CGNL1: variants seen among roughly 807,000 people sequenced by gnomAD.
The protein encoded by CGNL1 is cingulin-like protein 1.
CGNL1 carries 132 observed loss-of-function variants against 141.2 expected under a neutral mutation model. That is an observed-to-expected ratio of 0.93 (90% CI 0.81 to 1.08). The LOEUF (loss-of-function observed/expected upper bound fraction) is 1.08, where lower values mean the gene tolerates loss of function less well. Ranked by LOEUF, CGNL1 falls within the 50% of genes least tolerant of loss-of-function variation. CGNL1 has a pLI of 0.00. For missense variants in CGNL1, 1,870 were observed against 1,588.6 expected, an observed-to-expected ratio of 1.18 and a Z score of -3.01; for synonymous variants, 690 against 622.1, an observed-to-expected ratio of 1.11 and a Z score of -1.63.
At chr15:57,457,325 C>T (rs1016557870) in intron 7 of CGNL1, among the ~76,000 whole-genome samples, 11 of 152,192 alleles carry the variant, frequency 7.2e-5, no homozygotes, top group Non-Finnish European at 1.3e-4. Flanking sequence ...TGCGCATGGT[C>T]GTGGGGTGGC....
At chr15:57,547,049 G>T (rs187134140) in intron 18 of CGNL1, among the ~76,000 whole-genome samples, 38 of 152,284 alleles carry the variant, frequency 2.5e-4, no homozygotes, top group African/African-American at 9.1e-4. Flanking sequence ...GCAATCCATG[G>T]TGAACAAGAT....
At position 57,438,546 on chromosome 15, in the gene CGNL1, A is replaced by T; in HGVS notation, c.547A>T (p.Ile183Phe). ...NWLKTLTEEG[I>F]NNKKPWTCFP... ...GCTAAAAACGTTGACAGAAGAAGGC[A>T]TCAACAATAAGAAGCCTTGGACTTG... The change falls in exon 2 of 19, where the codon ATC becomes TTC. Residue 183 changes from isoleucine (I) to phenylalanine (F), a missense_variant. Coordinates refer to ENST00000281282, the MANE Select transcript of CGNL1 (RefSeq NM_032866.5). 1 of 1,613,940 alleles carries T rather than the reference A, an allele frequency of 6.2e-7. No individual in the cohort carries two copies. Among genetic ancestry groups the T allele is most frequent in the Non-Finnish European group, 8.5e-7 (1 of 1,180,022 alleles).
chr15:57,441,668 C>T (rs1030422899), intron 3 of CGNL1, among the ~76,000 whole-genome samples: 4 of 152,138 alleles, frequency 2.6e-5, no homozygotes, highest in Admixed American at 2.6e-4. Flanking sequence ...CGCACCTGGC[C>T]AAAATTCATT....
Position 57,456,893 on chromosome 15 carries a change from A to C in CGNL1, c.2190+3075A>C, listed in dbSNP as rs1777104093. Among the ~76,000 whole-genome samples, 3 of 152,348 alleles carry C rather than the reference A, an allele frequency of 2.0e-5. No homozygotes were observed. The South Asian group carries it at 6.2e-4, about 32-fold the overall frequency. ...AAGATACAGGTACTTCAGTCTCATT[A>C]AAATAGTCTGGTTATAAAATTGTAG... On this transcript the variant is annotated intron_variant, in intron 7 of 18. Coordinates refer to ENST00000281282, the MANE Select transcript of CGNL1 (RefSeq NM_032866.5).
At position 57,528,818 on chromosome 15, in the gene CGNL1, C is replaced by T; in HGVS notation, c.3201+3C>T. ...GCAGGCTGGTCAAGCAGATGGAGGT[C>T]TGTGGGCCGTACAGTGTGAGCTGGG... On this transcript the variant is annotated splice_donor_region_variant and intron_variant, in intron 13 of 18. Transcript: ENST00000281282. The T allele has an allele frequency of 6.2e-7, 1 of 1,613,284 alleles. No individual in the cohort carries two copies.
intron 10 of CGNL1, among the ~76,000 whole-genome samples, chr15:57,521,257 G>A (rs1170945698): frequency 6.6e-6 from 1 of 152,136 alleles, no homozygotes; most frequent in East Asian, 1.9e-4. Flanking sequence ...GAGGAAGACC[G>A]TTGTTCTAAA....
intron 1 of CGNL1, among the ~76,000 whole-genome samples, chr15:57,414,661 A>AAACAGCAACAAC (rs2062828492): frequency 1.3e-5 from 2 of 151,240 alleles, no homozygotes; most frequent in Non-Finnish European, 2.9e-5. Flanking sequence ...TTTAAAACCA[A>AAACAGCAACAAC]AACAACAACA....
At chr15:57,399,165 T>C (rs1192286049) in intron 1 of CGNL1, among the ~76,000 whole-genome samples, 1 of 152,200 alleles carries the variant, frequency 6.6e-6, no homozygotes, top group Admixed American at 6.5e-5. Context: ...ATTAGTATAT[T>C]CATCACCTCA....
intron 1 of CGNL1, among the ~76,000 whole-genome samples, chr15:57,391,452 G>C (rs1220319891): frequency 6.6e-6 from 1 of 152,156 alleles, no homozygotes; most frequent in African/African-American, 2.4e-5. Context: ...GGAATAGATG[G>C]GGACCAAAAC....
chr15:57,424,282 TC>T (rs1441239070), intron 1 of CGNL1, among the ~76,000 whole-genome samples: 2 of 152,160 alleles, frequency 1.3e-5, no homozygotes, highest in African/African-American at 4.8e-5. Flanking sequence ...AAGCAAATAT[TC>T]CCTTCCCAGC....
At chr15:57,525,565 C>G (rs867539225) in intron 12 of CGNL1, among the ~76,000 whole-genome samples, 11 of 152,244 alleles carry the variant, frequency 7.2e-5, no homozygotes, top group South Asian at 6.2e-4. Flanking sequence ...GTCTGTACAT[C>G]CCGGACACTT....
chr15:57,523,047 A>G (rs2031373174), intron 10 of CGNL1, among the ~76,000 whole-genome samples: 1 of 152,196 alleles, frequency 6.6e-6, no homozygotes, highest in Non-Finnish European at 1.5e-5. Flanking sequence ...TTCTAACTGT[A>G]AGAACCATCT....
At chr15:57,481,788 A>G (rs112527971) in intron 8 of CGNL1, among the ~76,000 whole-genome samples, 2 of 152,276 alleles carry the variant, frequency 1.3e-5, no homozygotes, top group East Asian at 1.9e-4. Context: ...TAGGAGTGCA[A>G]TTGCTAGGAT....
chr15:57,525,226 G>A (rs2031539915), intron 12 of CGNL1, among the ~76,000 whole-genome samples: 1 of 152,176 alleles, frequency 6.6e-6, no homozygotes, highest in Admixed American at 6.5e-5. Context: ...GAAATCCTCA[G>A]GAATTTATGA....
chr15:57,522,805 GTATT>G lies in CGNL1; in HGVS notation c.2716-682_2716-679del, dbSNP rs147164720. On this transcript the variant is annotated intron_variant, in intron 10 of 18. Transcript: ENST00000281282. The stretch of plus-strand genomic sequence containing the variant: ...TAGTTGTATTTTATGGTAGGCACTA[GTATT>G]TGGTGCTGATTCAATCAACAACCAC... Among the ~76,000 whole-genome samples the G allele has an allele frequency of 2.9e-3, 443 of 152,294 alleles. 4 individuals are homozygous for G. The highest frequency in any genetic ancestry group is 0.02 in the East Asian group (104 of 5,192).
At chr15:57,445,552 A>G (rs1186484324) in intron 4 of CGNL1, among the ~76,000 whole-genome samples, 1 of 152,224 alleles carries the variant, frequency 6.6e-6, no homozygotes, top group Non-Finnish European at 1.5e-5. Flanking sequence ...ATGGGAAAGA[A>G]CAATGTATAA....
intron 2 of CGNL1, 42 bp from the exon 3 acceptor site, chr15:57,440,335 G>A (rs767483030): frequency 6.9e-7 from 1 of 1,458,096 alleles, no homozygotes; most frequent in Non-Finnish European, 9.5e-7. Flanking sequence ...AAGCCTCTGG[G>A]AACTTCATCC....
At chr15:57,413,107 C>T (rs1483193976) in intron 1 of CGNL1, among the ~76,000 whole-genome samples, 7 of 152,168 alleles carry the variant, frequency 4.6e-5, no homozygotes, top group African/African-American at 1.4e-4. Context: ...GATCCACTCA[C>T]CTTGGCCTCC....
In CGNL1 at chr15:57,524,599, G is replaced by C; in HGVS notation, c.2887G>C (p.Ala963Pro). 1 of 1,613,252 alleles carries C rather than the reference G, an allele frequency of 6.2e-7. No homozygotes were observed. Among genetic ancestry groups the C allele is most frequent in the Non-Finnish European group, 8.5e-7 (1 of 1,179,790 alleles). The change falls in exon 12 of 19, where the codon GCC becomes CCC. Residue 963 changes from alanine to proline, a missense_variant. Coordinates refer to ENST00000281282, the MANE Select transcript of CGNL1 (RefSeq NM_032866.5). ...LQKEMADIVE[A>P]SRTSTLELQN... Reference sequence around the variant, plus strand: ...CTTCTAGATGGCAGACATTGTTGAGGCCTCCCGTACCTCAACCCTGGAGCT... The same window carrying C: ...CTTCTAGATGGCAGACATTGTTGAGCCCTCCCGTACCTCAACCCTGGAGCT...
Sources: gnomAD v4.1 joint callset for allele counts (sites outside exome capture counted in the v4.1 genomes callset) on GRCh38, gnomAD v4.1.1 for gene constraint, MANE v1.5 for transcripts, NCBI Gene and HGNC (gene_info 2026-07-23, HGNC 2026-07-21) for gene names.